Variants in ODAD3 observed in about 807,000 individuals in gnomAD.
ODAD3 encodes the protein outer dynein arm docking complex subunit 3, also known as outer dynein arm-docking complex subunit 3.
Under a neutral mutation model 70.9 loss-of-function variants are expected in ODAD3, and 57 were observed. That is an observed-to-expected ratio of 0.80 (90% CI 0.65 to 1.00). The LOEUF (loss-of-function observed/expected upper bound fraction) is 1.00. Among genes scored for constraint, ODAD3 ranks in the 50% least tolerant of loss-of-function variants. The pLI is 0.00. For missense variants in ODAD3, 797 were observed against 763.9 expected, an observed-to-expected ratio of 1.04 and a Z score of -0.51; for synonymous variants, 327 against 315.9, an observed-to-expected ratio of 1.04 and a Z score of -0.37.
upstream of ODAD3, chr19:11,435,548 T>C: frequency 1.7e-6 from 1 of 592,054 alleles, no homozygotes; most frequent in Admixed American, 2.5e-5. Context: ...CCCCCACTCC[T>C]GCCTCTCCCA....
At chr19:11,424,133 A>G in intron 7 of ODAD3, 104 bp from the exon 8 acceptor site, 1 of 1,389,186 alleles carries the variant, frequency 7.2e-7, no homozygotes. Context: ...AACAGGGCTC[A>G]AACTGGAGGG....
intron 11 of ODAD3, 112 bp from the exon 12 acceptor site, chr19:11,421,324 G>C: frequency 1.0e-6 from 1 of 981,120 alleles, no homozygotes; most frequent in Non-Finnish European, 1.5e-6. Flanking sequence ...GTTCCAACTG[G>C]AGACCACTGC....
rs1327821900 is a variant in ODAD3 at position 11,422,009 on chromosome 19, G to A, written c.1435-177C>T. 1.3e-5 allele frequency among the ~76,000 whole-genome samples: 2 copies of A among 152,164 alleles called. No individual in the cohort carries two copies. The highest frequency in any genetic ancestry group is 4.8e-5 in the African/African-American group (2 of 41,442). ...TCAAGGCCACGTCTGTGATGGGGGA[G>A]CCTCTGAACTCTAACTCTATATGTA... On this transcript the variant is annotated intron_variant, in intron 10 of 12. Transcript: ENST00000356392. This position sits in a 1 kb window ranked among gnomAD's most constrained non-coding sequence, Gnocchi z 4.6.
Position 11,426,957 on chromosome 19 carries a change from C to T in ODAD3, c.528G>A (p.Arg176=), listed in dbSNP as rs1173445734. 4 of 1,608,952 alleles carry T rather than the reference C, an allele frequency of 2.5e-6. No homozygotes were observed. The highest frequency in any genetic ancestry group is 2.5e-6 in the Non-Finnish European group (3 of 1,179,646). ...ALRHQVVLRQ[R]RLEELQLQHS... is the part of the protein sequence containing the mutation. ...GCTGCAGCTGGAGCTCCTCCAGCCG[C>T]CTCTGCCGCAACACCACCTGGTGCC... Residue 176 remains arginine, a synonymous_variant, in exon 4 of 13, where the codon AGG becomes AGA. Coordinates refer to ENST00000356392, the MANE Select transcript of ODAD3 (RefSeq NM_145045.5).
chr19:11,428,245 T>C (rs1969428557), intron 3 of ODAD3, among the ~76,000 whole-genome samples: 1 of 151,382 alleles, frequency 6.6e-6, no homozygotes, highest in African/African-American at 2.4e-5. Flanking sequence ...CCAGTTTTGT[T>C]TTGTTTTGTT....
In ODAD3 at chr19:11,426,176, TCTC is replaced by T. The variant is rs750011384; in HGVS notation, c.928_930del (p.Glu310del). ...TCCATGCGCTCGTTCTCCAGTTTCT[TCTC>T]CTCGGCGCGCTTCTTGCACTCACTT... On this transcript the variant is annotated inframe_deletion, in exon 7 of 13. Transcript: ENST00000356392. The T allele has an allele frequency of 5.3e-5, 86 of 1,612,562 alleles. No individual in the cohort carries two copies. In the Middle Eastern group the frequency reaches 6.6e-4, roughly 12 times the overall value.
chr19:11,423,877 G>C lies in ODAD3; in HGVS notation c.1116C>G (p.His372Gln), dbSNP rs1361894803. Residue 372 changes from histidine to glutamine, a missense_variant and splice_region_variant, in exon 8 of 13, where the codon CAC becomes CAG. Physicochemically the swap from His to Gln is conservative, Grantham distance 24. Transcript: ENST00000356392. Reference protein sequence around the residue: ...VKDATGTDETHSLVRRFLAQG... With the variant: ...VKDATGTDETQSLVRRFLAQG... ...GGAGAGGGCTGCGGGCAGAACTCAC[G>C]TGCGTCTCGTCAGTGCCAGTGGCGT... The C allele has an allele frequency of 3.1e-6, 5 of 1,607,934 alleles. No individual in the cohort carries two copies. Among genetic ancestry groups the C allele is most frequent in the Admixed American group, 3.3e-5 (2 of 59,856 alleles).
rs1969176315 is a variant in ODAD3, at chr19:11,422,912, C to CG, written c.1117-52dup. 4 of 1,569,820 alleles carry CG rather than the reference C, an allele frequency of 2.5e-6. No homozygotes were observed. The African/African-American group carries it at 5.4e-5, about 21-fold the overall frequency. On this transcript the variant is annotated intron_variant, in intron 8 of 12. Transcript: ENST00000356392. This position sits in a 1 kb window ranked among gnomAD's most constrained non-coding sequence, Gnocchi z 4.6. ...AGCCAGGGCCTAGGGAGCGTAGGGGCGCTCCACCTCCTCTCCCCCACCCTG... is the reference window on the plus strand; with the variant it reads ...AGCCAGGGCCTAGGGAGCGTAGGGGCGGCTCCACCTCCTCTCCCCCACCCTG...
At chr19:11,425,299 A>ATATG (rs1908962270) in intron 7 of ODAD3, among the ~76,000 whole-genome samples, 1 of 126,498 alleles carries the variant, frequency 7.9e-6, no homozygotes, top group Non-Finnish European at 1.6e-5. Context: ...ATGTGTATAT[A>ATATG]TGTGTATGTG....
intron 1 of ODAD3, among the ~76,000 whole-genome samples, chr19:11,431,983 G>C (rs542379756): frequency 6.6e-6 from 1 of 150,814 alleles, no homozygotes; most frequent in East Asian, 1.9e-4. Flanking sequence ...CATGATGGTG[G>C]GTGCCTGTAA....
chr19:11,425,059 ATG>A lies in ODAD3; in HGVS notation c.964-1032_964-1031del, dbSNP rs1450112801. On this transcript the variant is annotated intron_variant, in intron 7 of 12. Transcript: ENST00000356392. ...TATACATATGTGTATATATGTGTATATGTGTATATATGTATATGTGTATATGT... is the reference window on the plus strand; with the variant it reads ...TATACATATGTGTATATATGTGTATATGTATATATGTATATGTGTATATGT... 8.6e-5 allele frequency among the ~76,000 whole-genome samples: 11 copies of A among 127,592 alleles called. 1 individual carries two copies. In the South Asian group the frequency reaches 1.9e-3, roughly 21 times the overall value. The allele number at this position is 127,592 out of a possible 152,430, so 83.7% of individuals were successfully genotyped here. A position where few individuals can be genotyped will look rare whatever the true frequency, so the allele number is the denominator to read the frequency against.
chr19:11,435,245 G>C (rs1181244666), upstream of ODAD3: 3 of 1,367,976 alleles, frequency 2.2e-6, no homozygotes, highest in East Asian at 7.9e-5. Flanking sequence ...CGTTCTCATT[G>C]GCTGAGGCTG....
chr19:11,425,785 C>T (rs1969356509), intron 7 of ODAD3, among the ~76,000 whole-genome samples: 1 of 150,638 alleles, frequency 6.6e-6, no homozygotes, highest in Admixed American at 6.7e-5. Flanking sequence ...GGTGCAGGGG[C>T]GGGGCCAAGA....
At chr19:11,428,861 T>TATTA (rs1371693535) in intron 3 of ODAD3, among the ~76,000 whole-genome samples, 6 of 135,686 alleles carry the variant, frequency 4.4e-5, no homozygotes, top group African/African-American at 1.8e-4. Flanking sequence ...GTGTTTTATT[T>TATTA]TTTATTTATT....
chr19:11,424,181 C>T, intron 7 of ODAD3, 152 bp from the exon 8 acceptor site: 1 of 982,914 alleles, frequency 1.0e-6, no homozygotes, highest in Admixed American at 2.4e-5. Flanking sequence ...GATAAAGGCA[C>T]CCGGGCAGGT....
At chr19:11,435,175 G>A, upstream of ODAD3, 1 of 1,429,986 alleles carries the variant, frequency 7.0e-7, no homozygotes. Context: ...CCAGGTAACC[G>A]CCTCCCCGTC....
rs1215328858 is a variant in ODAD3 at position 11,425,065 on chromosome 19, ATATATG to A, written c.964-1042_964-1037del. Among the ~76,000 whole-genome samples the A allele has an allele frequency of 1.9e-4, 24 of 128,502 alleles. 5 individuals are homozygous for A. Among genetic ancestry groups the A allele is most frequent in the East Asian group, 7.0e-4 (3 of 4,306 alleles). 84.3% of individuals were successfully genotyped at this position (128,502 alleles called of 152,430 possible). ...TATGTGTATATATGTGTATATGTGTATATATGTATATGTGTATATGTACATATGTGT... is the reference window on the plus strand; with the variant it reads ...TATGTGTATATATGTGTATATGTGTATATATGTGTATATGTACATATGTGT... On this transcript the variant is annotated intron_variant, in intron 7 of 12. Coordinates refer to ENST00000356392, the MANE Select transcript of ODAD3 (RefSeq NM_145045.5).
chr19:11,432,788 G>A (rs1330499676), intron 1 of ODAD3, among the ~76,000 whole-genome samples: 2 of 151,824 alleles, frequency 1.3e-5, no homozygotes, highest in African/African-American at 4.8e-5. Context: ...AAGCAACCAT[G>A]CAAGATTACC....
Position 11,422,906 on chromosome 19 carries a change from T to C in ODAD3, c.1117-45A>G, listed in dbSNP as rs1283579038. 6.3e-7 allele frequency: 1 copy of C among 1,578,488 alleles called. No individual in the cohort carries two copies. Among genetic ancestry groups the C allele is most frequent in the Non-Finnish European group, 8.6e-7 (1 of 1,166,728 alleles). On this transcript the variant is annotated intron_variant, in intron 8 of 12. Transcript: ENST00000356392. The surrounding 1 kb of genome is among the most constrained non-coding windows in gnomAD (Gnocchi z 4.6). ...AGTCAGAGCCAGGGCCTAGGGAGCG[T>C]AGGGGCGCTCCACCTCCTCTCCCCC...
Sources: gnomAD v4.1 joint callset for allele counts (sites outside exome capture counted in the v4.1 genomes callset) on GRCh38, gnomAD v4.1.1 for gene constraint, Gnocchi (gnomAD v3.1) non-coding constraint, MANE v1.5 for transcripts, NCBI Gene and HGNC (gene_info 2026-07-23, HGNC 2026-07-21) for gene names.